TMEM131: variants seen among roughly 807,000 people sequenced by gnomAD.
The protein encoded by TMEM131 is 2610524E03Rik.
In TMEM131, 66 loss-of-function variants were observed where a neutral mutation model predicts 211.6. The ratio of observed to expected loss-of-function variants is 0.31; its 90% CI spans 0.26 to 0.38. TMEM131 has a LOEUF of 0.38. Among genes scored for constraint, TMEM131 ranks in the 10% least tolerant of loss-of-function variants. The pLI is 1.00. For synonymous variants in TMEM131, 844 were observed against 841.3 expected (o/e 1.00, Z -0.06); for missense variants, 2,036 against 2,299.3 (o/e 0.89, Z 2.34).
intron 3 of TMEM131, among the ~76,000 whole-genome samples, chr2:97,906,407 C>T (rs1429006495): frequency 6.6e-6 from 1 of 152,214 alleles, no homozygotes; most frequent in East Asian, 1.9e-4. Context: ...ATTCTGTCTA[C>T]AAACCTAATA....
intron 2 of TMEM131, among the ~76,000 whole-genome samples, chr2:97,911,437 G>GT (rs1676288248): frequency 6.6e-6 from 1 of 152,212 alleles, no homozygotes; most frequent in South Asian, 2.1e-4. Flanking sequence ...GCAGTTTATT[G>GT]TATGTCATTT....
At chr2:97,912,659 G>GTA (rs1676334181) in intron 2 of TMEM131, among the ~76,000 whole-genome samples, 1 of 152,180 alleles carries the variant, frequency 6.6e-6, no homozygotes, top group Non-Finnish European at 1.5e-5. Flanking sequence ...AGGAAAATAT[G>GTA]TATATGCATG....
At chr2:97,879,575 G>A (rs1032100594) in intron 4 of TMEM131, among the ~76,000 whole-genome samples, 1 of 152,120 alleles carries the variant, frequency 6.6e-6, no homozygotes, top group Non-Finnish European at 1.5e-5. Flanking sequence ...AACAATATGG[G>A]TTTGAACTAT....
chr2:97,952,790 G>A (rs956426832), intron 1 of TMEM131, among the ~76,000 whole-genome samples: 6 of 152,056 alleles, frequency 3.9e-5, no homozygotes, highest in Admixed American at 3.9e-4. Flanking sequence ...GAGGTGGGAG[G>A]ATTGCTTGAG....
At chr2:97,966,108 C>T (rs1679043872) in intron 1 of TMEM131, among the ~76,000 whole-genome samples, 1 of 150,790 alleles carries the variant, frequency 6.6e-6, no homozygotes, top group Admixed American at 6.6e-5. Context: ...TTTCCCTTGT[C>T]ATAAAACAAA....
At chr2:97,847,894 TA>T (rs1325599555) in intron 5 of TMEM131, among the ~76,000 whole-genome samples, 3 of 151,790 alleles carry the variant, frequency 2.0e-5, no homozygotes, top group South Asian at 2.1e-4. Flanking sequence ...AAGAACATTA[TA>T]AAAAAAACTC....
intron 1 of TMEM131, among the ~76,000 whole-genome samples, chr2:97,969,056 G>C (rs1056193874): frequency 1.4e-5 from 2 of 148,068 alleles, no homozygotes; most frequent in African/African-American, 5.0e-5. Flanking sequence ...CACTGCACTT[G>C]AGTATGGGTG....
chr2:97,869,829 T>C (rs1297228224), intron 4 of TMEM131, among the ~76,000 whole-genome samples: 3 of 152,182 alleles, frequency 2.0e-5, no homozygotes, highest in Non-Finnish European at 4.4e-5. Flanking sequence ...ACCACAAACT[T>C]TGAGGCTTAA....
At chr2:97,830,270 T>C (rs1293988003) in intron 11 of TMEM131, among the ~76,000 whole-genome samples, 1 of 151,130 alleles carries the variant, frequency 6.6e-6, no homozygotes, top group African/African-American at 2.4e-5. Flanking sequence ...TGACAACTCA[T>C]ACACAATCAA....
intron 4 of TMEM131, among the ~76,000 whole-genome samples, chr2:97,863,251 A>T (rs150204173): frequency 6.6e-6 from 1 of 152,246 alleles, no homozygotes; most frequent in African/African-American, 2.4e-5. Context: ...AACATCAGAT[A>T]TATCTTACAA....
At chr2:97,872,179 A>G (rs1267021722) in intron 4 of TMEM131, among the ~76,000 whole-genome samples, 1 of 152,218 alleles carries the variant, frequency 6.6e-6, no homozygotes, top group African/African-American at 2.4e-5. Context: ...AGGAATGATC[A>G]GGGTAATGAC....
chr2:97,870,706 T>C (rs1049715666), intron 4 of TMEM131, among the ~76,000 whole-genome samples: 1 of 152,242 alleles, frequency 6.6e-6, no homozygotes, highest in Non-Finnish European at 1.5e-5. Context: ...GCTTAGCAAC[T>C]GCCCTGAGGC....
intron 10 of TMEM131, 47 bp downstream of exon 10, chr2:97,834,574 A>T (rs774382578): frequency 6.0e-4 from 118 of 195,708 alleles, no homozygotes; most frequent in East Asian, 1.3e-3. Context: ...TACAGGGGTT[A>T]AAAAAAAAAA....
chr2:97,951,929 C>A (rs936229458), intron 1 of TMEM131, among the ~76,000 whole-genome samples: 3 of 152,030 alleles, frequency 2.0e-5, no homozygotes, highest in African/African-American at 7.2e-5. Context: ...GAGGCCAAGG[C>A]GGGCAGATCA....
At chr2:97,910,688 GT>G (rs1487650459) in intron 2 of TMEM131, among the ~76,000 whole-genome samples, 5 of 151,982 alleles carry the variant, frequency 3.3e-5, no homozygotes, top group Non-Finnish European at 5.9e-5. Context: ...TCTCATTGTG[GT>G]TTTGATTTGC....
intron 31 of TMEM131, among the ~76,000 whole-genome samples, chr2:97,777,742 G>C (rs1429583410): frequency 6.6e-6 from 1 of 152,182 alleles, no homozygotes; most frequent in Non-Finnish European, 1.5e-5. Flanking sequence ...TTCAAGCATA[G>C]GACTGACTAG....
intron 5 of TMEM131, among the ~76,000 whole-genome samples, chr2:97,853,479 G>A (rs1455202659): frequency 6.6e-6 from 1 of 150,772 alleles, no homozygotes; most frequent in Non-Finnish European, 1.5e-5. Context: ...GGTGGGACGG[G>A]CCTATAATCC....
chr2:97,928,922 T>C (rs1448155594), intron 1 of TMEM131, among the ~76,000 whole-genome samples: 2 of 151,816 alleles, frequency 1.3e-5, no homozygotes, highest in Non-Finnish European at 2.9e-5. Context: ...ATTACATACA[T>C]ATAAGAATAT....
intron 1 of TMEM131, among the ~76,000 whole-genome samples, chr2:97,987,854 G>A (rs1680095752): frequency 6.6e-6 from 1 of 152,132 alleles, no homozygotes; most frequent in Non-Finnish European, 1.5e-5. Flanking sequence ...CCAAGTTTAT[G>A]GGTTAAAATA....
Sources: allele counts gnomAD v4.1 joint callset (sites outside exome capture counted in the v4.1 genomes callset), GRCh38; gene constraint gnomAD v4.1.1; transcripts MANE v1.5; gene names NCBI Gene and HGNC (gene_info 2026-07-23, HGNC 2026-07-21).